ASAH2: variants seen among roughly 807,000 people sequenced by gnomAD.
ASAH2 encodes the protein N-acylsphingosine amidohydrolase 2.
Under a neutral mutation model 82.9 loss-of-function variants are expected in ASAH2, and 58 were observed. That is an observed-to-expected ratio of 0.70 (90% CI 0.57 to 0.87). The LOEUF (loss-of-function observed/expected upper bound fraction) is 0.87. Ranked by LOEUF, ASAH2 falls within the 40% of genes least tolerant of loss-of-function variation. The pLI is 0.00. For missense variants in ASAH2, 779 were observed against 834.0 expected, an observed-to-expected ratio of 0.93 and a Z score of 0.81; for synonymous variants, 276 against 289.7, an observed-to-expected ratio of 0.95 and a Z score of 0.48.
Position 50,233,183 on chromosome 10 carries a change from C to T in ASAH2, c.893+1G>A. 6.2e-7 allele frequency: 1 copy of T among 1,602,984 alleles called. No individual in the cohort carries two copies. The highest frequency in any genetic ancestry group is 8.5e-7 in the Non-Finnish European group (1 of 1,170,112). ...TTATTTTTAAAAAGGAAATACAGTA[C>T]CTGATAAGGCCCAAGTCATCTCCAT... On this transcript the variant is annotated splice_donor_variant, in intron 7 of 20. Coordinates refer to ENST00000682911, the MANE Select transcript of ASAH2 (RefSeq NM_019893.4). LOFTEE classifies it high-confidence loss of function.
rs756545409 is a variant in ASAH2, at chr10:50,248,653, A to G, written c.-36-7T>C. 2 of 1,587,486 alleles carry G rather than the reference A, an allele frequency of 1.3e-6. No homozygotes were observed. Among genetic ancestry groups the G allele is most frequent in the Non-Finnish European group, 1.7e-6 (2 of 1,165,832 alleles). On this transcript the variant is annotated splice_polypyrimidine_tract_variant and splice_region_variant and intron_variant, in intron 1 of 20. Transcript: ENST00000682911. ...AGAGATGGAAGAAGAAATACTGAAG[A>G]GGAAGAAATCACAAATTAAAATGCA... is the stretch of plus-strand genomic sequence containing the variant.
chr10:50,206,537 T>TACACACACACAC (rs544968746), intron 12 of ASAH2, among the ~76,000 whole-genome samples: 1,963 of 130,754 alleles, frequency 0.015, 26 homozygotes, highest in Non-Finnish European at 0.018. Context: ...TTTAGTTATC[T>TACACACACACAC]ACACACACAC....
intron 18 of ASAH2, among the ~76,000 whole-genome samples, chr10:50,193,764 A>T (rs1294317959): frequency 6.6e-6 from 1 of 151,930 alleles, no homozygotes; most frequent in African/African-American, 2.4e-5. Context: ...TTCTTTGAGG[A>T]CACAAATTAC....
At chr10:50,241,017 T>C (rs1846279251) in intron 4 of ASAH2, among the ~76,000 whole-genome samples, 1 of 152,222 alleles carries the variant, frequency 6.6e-6, no homozygotes, top group African/African-American at 2.4e-5. Flanking sequence ...AGCTTCCTCC[T>C]TGCTCATTCT....
At chr10:50,200,787 T>C (rs891300444) in intron 16 of ASAH2, among the ~76,000 whole-genome samples, 1,570 of 152,258 alleles carry the variant, frequency 0.01, 21 homozygotes, top group African/African-American at 0.035. Flanking sequence ...TAATACTTGC[T>C]GGAGTATATC....
rs1191798845 is a variant in ASAH2, at chr10:50,240,553, C to CCTGG, written c.510+2648_510+2649insCCAG. On this transcript the variant is annotated intron_variant, in intron 4 of 20. Transcript: ENST00000682911. ...GAAGATTTCTCAGAGTCCATATCAC[C>CCTGG]CACAGAATTAAAAACAAGCTGGCAT... 22 of 702,112 alleles carry CCTGG rather than the reference C, an allele frequency of 3.1e-5. No homozygotes were observed. The East Asian group carries it at 5.9e-4, about 19-fold the overall frequency. The allele number at this position is 702,112 out of a possible 1,614,324, so 43.5% of individuals were successfully genotyped here.
intron 12 of ASAH2, among the ~76,000 whole-genome samples, chr10:50,207,633 T>TA (rs34303021): frequency 2.5e-4 from 37 of 147,192 alleles, no homozygotes; most frequent in African/African-American, 3.9e-4. Context: ...ATAGGCAATC[T>TA]AAAAAAAAAA....
At chr10:50,208,351 A>G (rs933325595) in intron 12 of ASAH2, among the ~76,000 whole-genome samples, 10 of 152,060 alleles carry the variant, frequency 6.6e-5, no homozygotes, top group Non-Finnish European at 1.3e-4. Flanking sequence ...TTGGAAAAGA[A>G]AAATTAAAAC....
chr10:50,222,320 C>T (rs1845771667), intron 7 of ASAH2, among the ~76,000 whole-genome samples: 2 of 152,306 alleles, frequency 1.3e-5, no homozygotes, highest in South Asian at 4.1e-4. Flanking sequence ...ACTCTGTTGC[C>T]CAGGCTGGAG....
intron 18 of ASAH2, among the ~76,000 whole-genome samples, chr10:50,195,075 C>A (rs1589318900): frequency 6.8e-6 from 1 of 147,020 alleles, no homozygotes. Context: ...TTCTGCACAA[C>A]CAAAAAAACA....
chr10:50,228,603 T>A (rs995230653), intron 7 of ASAH2, among the ~76,000 whole-genome samples: 45 of 152,308 alleles, frequency 3.0e-4, no homozygotes, highest in South Asian at 1.0e-3. Flanking sequence ...AGGATTTTTT[T>A]AACTTTTTAC....
intron 8 of ASAH2, among the ~76,000 whole-genome samples, chr10:50,217,950 C>A (rs1845648982): frequency 2.0e-5 from 3 of 151,998 alleles, no homozygotes; most frequent in Admixed American, 2.0e-4. Flanking sequence ...CATGGCGAAA[C>A]CCTGTCTCTA....
intron 12 of ASAH2, among the ~76,000 whole-genome samples, chr10:50,208,898 T>C (rs1161948954): frequency 1.3e-5 from 2 of 152,112 alleles, no homozygotes; most frequent in African/African-American, 4.8e-5. Flanking sequence ...TACTTTCTGA[T>C]CTTAAAGGAA....
intron 4 of ASAH2, among the ~76,000 whole-genome samples, chr10:50,238,952 T>C (rs1846225890): frequency 6.6e-6 from 1 of 152,148 alleles, no homozygotes; most frequent in Non-Finnish European, 1.5e-5. Context: ...CATATAACAA[T>C]GCCAGGAAGA....
intron 7 of ASAH2, among the ~76,000 whole-genome samples, chr10:50,219,313 T>G (rs1589338725): frequency 6.6e-6 from 1 of 152,210 alleles, no homozygotes; most frequent in African/African-American, 2.4e-5. Context: ...TCTGTTACCT[T>G]ATTTGAACTT....
intron 17 of ASAH2, among the ~76,000 whole-genome samples, chr10:50,197,909 T>C (rs1320369301): frequency 2.0e-5 from 3 of 151,870 alleles, no homozygotes; most frequent in South Asian, 4.1e-4. Context: ...GACCTACAAA[T>C]AGATTTGGAT....
At chr10:50,194,863 CAGA>C (rs1393082469) in intron 18 of ASAH2, among the ~76,000 whole-genome samples, 3 of 150,856 alleles carry the variant, frequency 2.0e-5, no homozygotes, top group African/African-American at 7.3e-5. Flanking sequence ...TATCCACATG[CAGA>C]AGAAGGAAAT....
At chr10:50,201,945 T>G (rs1845160749) in intron 16 of ASAH2, among the ~76,000 whole-genome samples, 1 of 152,126 alleles carries the variant, frequency 6.6e-6, no homozygotes, top group East Asian at 1.9e-4. Context: ...TGGTGCCTAT[T>G]GGTGACAGAG....
chr10:50,242,630 A>ATC (rs35374449), intron 4 of ASAH2, among the ~76,000 whole-genome samples: 93 of 150,912 alleles, frequency 6.2e-4, no homozygotes, highest in Middle Eastern at 3.4e-3. Context: ...CTCGCTTTCT[A>ATC]TCTCTCTCTC....
Sources: gnomAD v4.1 joint callset for allele counts (sites outside exome capture counted in the v4.1 genomes callset) on GRCh38, gnomAD v4.1.1 for gene constraint, MANE v1.5 for transcripts, NCBI Gene and HGNC (gene_info 2026-07-23, HGNC 2026-07-21) for gene names.